Variants in KTN1 observed in about 807,000 individuals in gnomAD.
The protein encoded by KTN1 is kinectin 1, also known as kinectin.
In KTN1, 130 loss-of-function variants were observed where a neutral mutation model predicts 222.5. The ratio of observed to expected loss-of-function variants is 0.58; its 90% confidence interval spans 0.51 to 0.68. KTN1 has a LOEUF of 0.68. KTN1 is among the 30% of genes least tolerant of loss of function. The pLI, the probability that KTN1 is intolerant of heterozygous loss-of-function variation, is 0.00. For missense variants in KTN1, 1,508 were observed against 1,500.4 expected (o/e 1.01, Z -0.08); for synonymous variants, 512 against 496.3 (o/e 1.03, Z -0.42).
intron 37 of KTN1, chr14:55,672,279 GT>G (rs2141326744): frequency 4.3e-6 from 1 of 231,062 alleles, no homozygotes; most frequent in African/African-American, 2.3e-5. Context: ...TTACTTCAGC[GT>G]GATAAAGAGT....
chr14:55,656,264 A>G (rs981682245), intron 29 of KTN1, 132 bp downstream of exon 29: 3 of 623,498 alleles, frequency 4.8e-6, no homozygotes, highest in African/African-American at 1.9e-5. Context: ...AGGTGTCATT[A>G]TTGGCATGTT....
At position 55,619,225 on chromosome 14, in the gene KTN1, G is replaced by A. The variant is rs1203309216; in HGVS notation, c.876G>A (p.Lys292=). The A allele has an allele frequency of 1.2e-6, 2 of 1,608,794 alleles. No homozygotes were observed. The highest frequency in any genetic ancestry group is 3.3e-5 in the Admixed American group (2 of 59,994). ...VKFKDFLLSL[K]TMMFSEDEAL... ...TTAAAGATTTTCTTCTGTCCTTGAA[G>A]ACTATGATGTTTTCTGAAGATGAGG... Residue 292 remains lysine (K), a synonymous_variant, in exon 5 of 44, where the codon AAG becomes AAA. Coordinates refer to ENST00000395314, the MANE Select transcript of KTN1 (RefSeq NM_001079521.2).
intron 1 of KTN1, among the ~76,000 whole-genome samples, chr14:55,582,377 A>G (rs1292022031): frequency 2.0e-5 from 3 of 152,130 alleles, no homozygotes; most frequent in Admixed American, 6.6e-5. Flanking sequence ...TATATTTTTA[A>G]TATCAGTCAA....
chr14:55,658,644 C>G, intron 30 of KTN1, 30 bp downstream of exon 30: 1 of 1,407,808 alleles, frequency 7.1e-7, no homozygotes, highest in Non-Finnish European at 9.9e-7. Flanking sequence ...TTGCCTTTCA[C>G]TTACGTGGCA....
At chr14:55,590,410 A>G (rs1305961234) in intron 1 of KTN1, among the ~76,000 whole-genome samples, 2 of 152,244 alleles carry the variant, frequency 1.3e-5, no homozygotes, top group African/African-American at 4.8e-5. Flanking sequence ...GTATGAGATA[A>G]TATTTTAAGA....
intron 2 of KTN1, among the ~76,000 whole-genome samples, chr14:55,612,897 T>TAA (rs1318170548): frequency 1.9e-5 from 1 of 51,396 alleles, no homozygotes. Flanking sequence ...TACAAGAAAT[T>TAA]AAAAGAAAAA....
At chr14:55,604,073 T>C (rs893371446) in intron 1 of KTN1, among the ~76,000 whole-genome samples, 1 of 152,198 alleles carries the variant, frequency 6.6e-6, no homozygotes, top group Non-Finnish European at 1.5e-5. Flanking sequence ...ACCCCTCCAG[T>C]AGTTTTCCCA....
chr14:55,672,444 G>T (rs937560213), intron 37 of KTN1, 186 bp from the exon 38 acceptor site: 3 of 508,926 alleles, frequency 5.9e-6, no homozygotes, highest in Non-Finnish European at 1.0e-5. Flanking sequence ...AATGGAGTAG[G>T]TTTGGACCAC....
At chr14:55,640,102 T>G (rs2041616058) in intron 14 of KTN1, 99 bp downstream of exon 14, 1 of 770,482 alleles carries the variant, frequency 1.3e-6, no homozygotes, top group African/African-American at 1.8e-5. Flanking sequence ...AAATGGAAAA[T>G]AGTCTAGAAT....
chr14:55,611,303 T>C (rs1206082025), intron 1 of KTN1, among the ~76,000 whole-genome samples: 1 of 145,498 alleles, frequency 6.9e-6, no homozygotes, highest in Non-Finnish European at 1.5e-5. Flanking sequence ...GGTTTCGCCA[T>C]GTTGCCCAGG....
chr14:55,619,155 T>TC (rs1176756250), intron 4 of KTN1, 27 bp from the exon 5 acceptor site: 2 of 1,570,192 alleles, frequency 1.3e-6, no homozygotes, highest in East Asian at 4.5e-5. Flanking sequence ...TGCCAACTCT[T>TC]TGTTTGTTTG....
intron 1 of KTN1, among the ~76,000 whole-genome samples, chr14:55,594,138 TACTA>T (rs1279318144): frequency 6.6e-6 from 1 of 152,202 alleles, no homozygotes; most frequent in Non-Finnish European, 1.5e-5. Context: ...TTCACACTAT[TACTA>T]AGTATTTGGA....
rs1450213174 is a variant in KTN1 at position 55,627,942 on chromosome 14, C to T, written c.994C>T (p.His332Tyr). 6.2e-7 allele frequency: 1 copy of T among 1,612,876 alleles called. No homozygotes were observed. The highest frequency in any genetic ancestry group is 1.3e-5 in the African/African-American group (1 of 74,984). ...SSKGELTTLIHQLQEKDKLLA... is the reference protein window; with the variant it reads ...SSKGELTTLIYQLQEKDKLLA... ...TAAGGGAGAATTGACTACGCTTATA[C>T]ATCAGCTTCAAGAAAAGGACAAGTT... Residue 332 changes from histidine (H) to tyrosine (Y), a missense_variant, in exon 6 of 44, where the codon CAT becomes TAT. By Grantham distance (83) the His-to-Tyr change is moderately conservative. Transcript: ENST00000395314.
Position 55,664,012 on chromosome 14 carries a change from C to G in KTN1, c.3148C>G (p.Leu1050Val), listed in dbSNP as rs139370361. The G allele has an allele frequency of 8.7e-6, 14 of 1,612,316 alleles. No individual in the cohort carries two copies. Among genetic ancestry groups the G allele is most frequent in the African/African-American group, 2.7e-5 (2 of 74,956 alleles). ...MEALASTEKM[L>V]QDKVNKTSKE... ...AGCATTGGCATCAACTGAAAAAATG[C>G]TGCAGGACAAAGTGAACAAGACTTC... is the stretch of plus-strand genomic sequence containing the variant. The change falls in exon 33 of 44, where the codon CTG (leucine) becomes GTG (valine). Residue 1050 changes from leucine to valine, a missense_variant. Transcript: ENST00000395314.
intron 43 of KTN1, chr14:55,680,680 CT>C (rs753221357): frequency 1.5e-6 from 2 of 1,365,006 alleles, no homozygotes; most frequent in South Asian, 2.3e-5. Flanking sequence ...TTTTGTCTCA[CT>C]TTAGAGTGAT....
rs544528907 is a variant in KTN1, at chr14:55,661,757, G to A, written c.3090+145G>A. 109 of 441,102 alleles carry A rather than the reference G, an allele frequency of 2.5e-4. No homozygotes were observed. In the East Asian group the frequency reaches 3.7e-3, roughly 15 times the overall value. The allele number at this position is 441,102 out of a possible 1,614,324, so 27.3% of individuals were successfully genotyped here. A position where few individuals can be genotyped will look rare whatever the true frequency, so the allele number is the denominator to read the frequency against. ...ACTATTTTCTGTGTGTAGTTTTTTC[G>A]GGGGGCGGGGCATTATTGGAGAACA... is the stretch of plus-strand genomic sequence containing the variant. On this transcript the variant is annotated intron_variant, in intron 32 of 43. Transcript: ENST00000395314.
chr14:55,636,416 TA>T (rs765497525), intron 9 of KTN1, 32 bp from the exon 10 acceptor site: 23 of 1,500,918 alleles, frequency 1.5e-5, no homozygotes, highest in Non-Finnish European at 2.1e-5. Context: ...GTGTTTGTGC[TA>T]ATTTATCCTT....
chr14:55,668,573 G>A (rs190035618), intron 34 of KTN1: 1 of 152,076 alleles, frequency 6.6e-6, no homozygotes, highest in Non-Finnish European at 1.5e-5. Context: ...CACTTCATGG[G>A]CGGTGGTGTG....
chr14:55,584,536 C>T (rs1239368529), intron 1 of KTN1, among the ~76,000 whole-genome samples: 1 of 152,204 alleles, frequency 6.6e-6, no homozygotes, highest in Non-Finnish European at 1.5e-5. Flanking sequence ...CTTGTTGTCT[C>T]CGTCCAGTCT....
Sources: gnomAD v4.1 joint callset for allele counts (sites outside exome capture counted in the v4.1 genomes callset) on GRCh38, gnomAD v4.1.1 for gene constraint, MANE v1.5 for transcripts, NCBI Gene and HGNC (gene_info 2026-07-23, HGNC 2026-07-21) for gene names.